Variants in STPG2 observed in about 807,000 individuals in gnomAD.
The protein encoded by STPG2 is sperm tail PG-rich repeat containing 2, also known as sperm-tail PG-rich repeat-containing protein 2.
Under a neutral mutation model 54.2 loss-of-function variants are expected in STPG2, and 56 were observed. The ratio of observed to expected loss-of-function variants is 1.03; its 90% confidence interval spans 0.83 to 1.29. STPG2 has a LOEUF of 1.29. Among genes scored for constraint, STPG2 ranks in the 50% most tolerant of loss-of-function variants. STPG2 has a pLI of 0.00. For synonymous variants in STPG2, 200 were observed against 181.8 expected (o/e 1.10, Z -0.81); for missense variants, 596 against 544.9 (o/e 1.09, Z -0.93).
At chr4:97,884,512 A>G (rs1730492648) in intron 8 of STPG2, among the ~76,000 whole-genome samples, 1 of 152,200 alleles carries the variant, frequency 6.6e-6, no homozygotes. Flanking sequence ...CCAAGAAGAG[A>G]GGTCTTAGAA....
At chr4:97,464,331 T>A (rs1729738270) in intron 4 of STPG2, among the ~76,000 whole-genome samples, 1 of 152,178 alleles carries the variant, frequency 6.6e-6, no homozygotes, top group South Asian at 2.1e-4. Flanking sequence ...TAGAGATTAC[T>A]TAATACTTTG....
intron 10 of STPG2, among the ~76,000 whole-genome samples, chr4:97,635,907 C>T (rs1721502260): frequency 3.3e-5 from 5 of 152,200 alleles, no homozygotes; most frequent in Admixed American, 2.6e-4. Flanking sequence ...CTTTAACACC[C>T]CACTGTCAAC....
intron 5 of STPG2, among the ~76,000 whole-genome samples, chr4:98,066,024 CAAGTAGGTATATCAAATATG>C (rs1737823421): frequency 1.3e-5 from 2 of 151,780 alleles, no homozygotes; most frequent in Admixed American, 6.6e-5. Context: ...ATATACCTAT[CAAGTAGGTATATCAAATATG>C]TATATTATAT....
intron 6 of STPG2, among the ~76,000 whole-genome samples, chr4:97,979,374 T>A (rs1734596882): frequency 6.6e-6 from 1 of 152,170 alleles, no homozygotes; most frequent in Non-Finnish European, 1.5e-5. Flanking sequence ...TGTGCCCAGC[T>A]GATTTTCAGA....
intron 4 of STPG2, among the ~76,000 whole-genome samples, chr4:97,527,840 G>T (rs1054637953): frequency 1.3e-5 from 2 of 151,768 alleles, no homozygotes; most frequent in African/African-American, 4.9e-5. Flanking sequence ...ACTTTTTGAT[G>T]GGGTTGTTTG....
chr4:97,621,709 C>T (rs549070770), intron 10 of STPG2, among the ~76,000 whole-genome samples: 3 of 152,224 alleles, frequency 2.0e-5, no homozygotes, highest in Non-Finnish European at 2.9e-5. Context: ...TAAAGAAGAG[C>T]TGGTATCATT....
At chr4:97,823,659 C>A (rs6827131) in intron 9 of STPG2, among the ~76,000 whole-genome samples, 2 of 151,962 alleles carry the variant, frequency 1.3e-5, no homozygotes, top group Non-Finnish European at 2.9e-5. Flanking sequence ...GATTTGGACC[C>A]CTTTCTGGTA....
chr4:97,826,779 T>C (rs749741073), intron 9 of STPG2, among the ~76,000 whole-genome samples: 1 of 152,222 alleles, frequency 6.6e-6, no homozygotes, highest in Non-Finnish European at 1.5e-5. Flanking sequence ...TCCAAAATAA[T>C]GGGAAACTCC....
chr4:98,106,394 A>C (rs1739190798), intron 4 of STPG2, among the ~76,000 whole-genome samples: 1 of 152,140 alleles, frequency 6.6e-6, no homozygotes, highest in Admixed American at 6.6e-5. Flanking sequence ...AAAAGTCTAA[A>C]ATTCCAAATC....
chr4:97,809,093 A>G (rs1727660188), intron 9 of STPG2, among the ~76,000 whole-genome samples: 1 of 152,180 alleles, frequency 6.6e-6, no homozygotes, highest in African/African-American at 2.4e-5. Context: ...AGAAACATCT[A>G]CAACTGATAA....
chr4:97,520,435 C>T (rs6814444), intron 4 of STPG2, among the ~76,000 whole-genome samples: 17,572 of 151,986 alleles, frequency 0.12, 3,023 homozygotes, highest in African/African-American at 0.38. Context: ...TACTTGTGAA[C>T]TCTGTATGAT....
chr4:98,124,139 AT>A (rs1321784752), intron 3 of STPG2, among the ~76,000 whole-genome samples: 1 of 152,122 alleles, frequency 6.6e-6, no homozygotes, highest in African/African-American at 2.4e-5. Flanking sequence ...GTGGCCTGCT[AT>A]TCTGTGTCTT....
intron 5 of STPG2, among the ~76,000 whole-genome samples, chr4:98,011,089 T>C (rs927033337): frequency 5.3e-5 from 8 of 152,136 alleles, no homozygotes; most frequent in African/African-American, 1.9e-4. Context: ...TAGCTATTTG[T>C]CCTGATTCTC....
intron 8 of STPG2, among the ~76,000 whole-genome samples, chr4:97,913,973 A>C (rs564989845): frequency 6.6e-6 from 1 of 152,286 alleles, no homozygotes; most frequent in African/African-American, 2.4e-5. Context: ...AATCCTGAGA[A>C]TATTCAAGCT....
At chr4:97,497,303 T>A (rs554913610) in intron 4 of STPG2, among the ~76,000 whole-genome samples, 1 of 151,812 alleles carries the variant, frequency 6.6e-6, no homozygotes, top group Non-Finnish European at 1.5e-5. Flanking sequence ...TTCACTATAA[T>A]GTGTAAGGGA....
At chr4:97,566,169 A>G (rs181560137) in intron 10 of STPG2, among the ~76,000 whole-genome samples, 5,448 of 152,158 alleles carry the variant, frequency 0.036, 236 homozygotes, top group African/African-American at 0.11. Context: ...CCTCGCTGCC[A>G]CCTTGCAGTT....
Position 97,793,017 on chromosome 4 carries a change from G to A in STPG2, c.1204+47756C>T, listed in dbSNP as rs562625932. Among the ~76,000 whole-genome samples, 10 of 152,082 alleles carry A rather than the reference G, an allele frequency of 6.6e-5. No individual in the cohort carries two copies. In the East Asian group the frequency reaches 1.9e-3, roughly 30 times the overall value. On this transcript the variant is annotated intron_variant, in intron 9 of 10. Coordinates refer to ENST00000295268, the MANE Select transcript of STPG2 (RefSeq NM_174952.3). ...ATAATACAAAAATTAGCCAGGCTTG[G>A]TGGGGAGTCACCTGTAATCCCAGCT...
chr4:98,140,766 T>C (rs763473841), intron 1 of STPG2, among the ~76,000 whole-genome samples: 21 of 151,878 alleles, frequency 1.4e-4, no homozygotes, highest in Non-Finnish European at 8.8e-5. Flanking sequence ...GGTAGAGATG[T>C]TCAAAAAAGT....
At chr4:97,486,468 T>G (rs933638977) in intron 4 of STPG2, among the ~76,000 whole-genome samples, 1 of 151,776 alleles carries the variant, frequency 6.6e-6, no homozygotes, top group African/African-American at 2.4e-5. Flanking sequence ...CACAGTGCAA[T>G]ACCACCTACT....
Sources: gnomAD v4.1 joint callset for allele counts (sites outside exome capture counted in the v4.1 genomes callset) on GRCh38, gnomAD v4.1.1 for gene constraint, MANE v1.5 for transcripts, NCBI Gene and HGNC (gene_info 2026-07-23, HGNC 2026-07-21) for gene names.